The following YY1 variants were observed in gnomAD, a reference collection of about 807,000 sequenced individuals.
YY1 encodes transcriptional repressor protein YY1.
YY1 carries 2 observed loss-of-function variants against 35.6 expected under a neutral mutation model. The observed-to-expected ratio is 0.06, with a 90% CI of 0.02 to 0.18. YY1 has a LOEUF of 0.18. Among genes scored for constraint, YY1 ranks in the 10% least tolerant of loss-of-function variants. The pLI is 1.00. For missense variants in YY1, 322 were observed against 573.4 expected (o/e 0.56, Z 4.48); for synonymous variants, 268 against 238.9 (o/e 1.12, Z -1.12).
intron 1 of YY1, among the ~76,000 whole-genome samples, chr14:100,246,337 G>A (rs1049849382): frequency 2.1e-4 from 32 of 152,252 alleles, no homozygotes; most frequent in Non-Finnish European, 4.3e-4. Flanking sequence ...GGTTGTGGGG[G>A]ACATGTGCCT....
chr14:100,260,771 C>CCTTTT (rs1891073821), intron 1 of YY1, among the ~76,000 whole-genome samples: 1 of 42,540 alleles, frequency 2.4e-5, no homozygotes, highest in African/African-American at 9.2e-5. Flanking sequence ...GTGCCTGGTC[C>CCTTTT]TTTTTTTTTT....
intron 2 of YY1, among the ~76,000 whole-genome samples, chr14:100,272,396 A>G (rs1324321827): frequency 6.6e-6 from 1 of 152,122 alleles, no homozygotes; most frequent in African/African-American, 2.4e-5. Flanking sequence ...GAGATAAGTG[A>G]TAGTTACCAG....
chr14:100,240,054 GTGCGGCGGCGGGGGCGCGGC>G, intron 1 of YY1, 131 bp downstream of exon 1: 1 of 837,710 alleles, frequency 1.2e-6, no homozygotes, highest in Non-Finnish European at 1.6e-6. Flanking sequence ...ATGGCGGGCC[GTGCGGCGGCGGGGGCGCGGC>G]GGCGGCGGCG....
At chr14:100,247,108 A>C (rs571976345) in intron 1 of YY1, among the ~76,000 whole-genome samples, 1 of 152,326 alleles carries the variant, frequency 6.6e-6, no homozygotes, top group East Asian at 1.9e-4. Flanking sequence ...CTTTTGGAAG[A>C]GGGTAAATTT....
chr14:100,247,390 T>C (rs954885944), intron 1 of YY1, among the ~76,000 whole-genome samples: 5 of 151,616 alleles, frequency 3.3e-5, no homozygotes, highest in Non-Finnish European at 5.9e-5. Flanking sequence ...TTTCTTTTTT[T>C]TTTTTTTTCG....
In YY1 at chr14:100,281,215, C is replaced by T. The variant is rs2139615277; in HGVS notation, c.*3615C>T. 1 of 151,240 alleles carries T rather than the reference C, an allele frequency of 6.6e-6. No individual in the cohort carries two copies. Among genetic ancestry groups the T allele is most frequent in the Non-Finnish European group, 1.5e-5 (1 of 67,906 alleles). The allele number at this position is 151,240 out of a possible 1,614,324, so 9.4% of individuals were successfully genotyped here. On this transcript the variant is annotated 3_prime_UTR_variant, in exon 5 of 5. Transcript: ENST00000262238. ...GGCTTGGGAAATTCATGTTGTTGAT[C>T]TTTAATTATTTAATTATTCTTTAAT... is the stretch of plus-strand genomic sequence containing the variant.
At chr14:100,243,987 A>G (rs1315648163) in intron 1 of YY1, among the ~76,000 whole-genome samples, 2 of 151,878 alleles carry the variant, frequency 1.3e-5, no homozygotes, top group Admixed American at 6.6e-5. Context: ...GGGTGCCTGT[A>G]GTGCCAGCTA....
rs1891365142 is a variant in YY1, at chr14:100,278,781, ACCACCGCGCAGGCTGAGCGCCTGCG to A, written c.*1183_*1207del. The A allele has an allele frequency of 6.6e-6, 1 of 152,266 alleles. No homozygotes were observed. The highest frequency in any genetic ancestry group is 1.5e-5 in the Non-Finnish European group (1 of 68,062). 9.4% of individuals were successfully genotyped at this position (152,266 alleles called of 1,614,324 possible). ...CGGCAAGTGTGAGTGAAGCATCTGT[ACCACCGCGCAGGCTGAGCGCCTGCG>A]CAGGGTAAGGTGCCACCTGGCAGTG... On this transcript the variant is annotated 3_prime_UTR_variant, in exon 5 of 5. Transcript: ENST00000262238.
chr14:100,262,506 G>A, intron 2 of YY1, 40 bp downstream of exon 2: 1 of 1,605,584 alleles, frequency 6.2e-7, no homozygotes. Context: ...ATTATAGAAA[G>A]TGCTTGAGTC....
intron 1 of YY1, among the ~76,000 whole-genome samples, chr14:100,258,786 C>A (rs1467937513): frequency 6.6e-6 from 1 of 152,216 alleles, no homozygotes; most frequent in Non-Finnish European, 1.5e-5. Flanking sequence ...AATTATATTT[C>A]CTAGAATGAA....
At chr14:100,265,647 C>CTTTTTTTT (rs10594089) in intron 2 of YY1, among the ~76,000 whole-genome samples, 1 of 104,454 alleles carries the variant, frequency 9.6e-6, no homozygotes, top group Non-Finnish European at 1.8e-5. Context: ...AACACTGAAG[C>CTTTTTTTT]TTTTTTTTTT....
intron 1 of YY1, among the ~76,000 whole-genome samples, chr14:100,248,523 G>C (rs184424108): frequency 1.2e-4 from 19 of 152,056 alleles, no homozygotes; most frequent in South Asian, 6.2e-4. Flanking sequence ...ACGGGTTTTT[G>C]CTATGTTGTT....
intron 2 of YY1, chr14:100,265,193 C>T (rs2139592553): frequency 6.6e-6 from 1 of 152,186 alleles, no homozygotes; most frequent in East Asian, 1.9e-4. Context: ...GCCTGGCCAA[C>T]ATAGTGAAAC....
In YY1 at chr14:100,277,912, TA is replaced by T. The variant is rs1595335464; in HGVS notation, c.*317del. 1 of 313,502 alleles carries T rather than the reference TA, an allele frequency of 3.2e-6. No homozygotes were observed. The highest frequency in any genetic ancestry group is 7.2e-5 in the East Asian group (1 of 13,816). The allele number at this position is 313,502 out of a possible 1,614,324, so 19.4% of individuals were successfully genotyped here. On this transcript the variant is annotated 3_prime_UTR_variant, in exon 5 of 5. Transcript: ENST00000262238. This position sits in a 1 kb window ranked among gnomAD's most constrained non-coding sequence, Gnocchi z 5.6. ...AAGACAATTCTTTATACAACAGTGCTAAAAATGGGACTTCTTTTCACATTCT... is the reference window on the plus strand; with the variant it reads ...AAGACAATTCTTTATACAACAGTGCTAAAATGGGACTTCTTTTCACATTCT...
chr14:100,241,981 G>T (rs867217644), intron 1 of YY1, among the ~76,000 whole-genome samples: 2,119 of 130,010 alleles, frequency 0.016, 88 homozygotes, highest in African/African-American at 0.056. Flanking sequence ...TCTCAAAAGG[G>T]GGGGGGGGGC....
intron 2 of YY1, among the ~76,000 whole-genome samples, chr14:100,268,466 G>A (rs1183796929): frequency 6.6e-6 from 1 of 152,176 alleles, no homozygotes; most frequent in Non-Finnish European, 1.5e-5. Flanking sequence ...ACCTTTGTAT[G>A]TGTTTCACTA....
intron 1 of YY1, among the ~76,000 whole-genome samples, chr14:100,243,844 G>T (rs1004585800): frequency 2.0e-5 from 3 of 151,486 alleles, no homozygotes; most frequent in African/African-American, 7.3e-5. Flanking sequence ...GGTGGCTGAC[G>T]CCTGTAATCC....
At chr14:100,262,969 G>A (rs566636462) in intron 2 of YY1, among the ~76,000 whole-genome samples, 2 of 152,122 alleles carry the variant, frequency 1.3e-5, no homozygotes, top group Admixed American at 1.3e-4. Flanking sequence ...GTGCAGTGGT[G>A]CAATCTCAGC....
chr14:100,259,653 C>T (rs1393600564), intron 1 of YY1, among the ~76,000 whole-genome samples: 6 of 152,108 alleles, frequency 3.9e-5, no homozygotes, highest in Non-Finnish European at 7.4e-5. Context: ...CTCAAATTCT[C>T]TAGAATTTGA....
Sources: allele counts gnomAD v4.1 joint callset (sites outside exome capture counted in the v4.1 genomes callset), GRCh38; gene constraint gnomAD v4.1.1; non-coding constraint Gnocchi (gnomAD v3.1); transcripts MANE v1.5; gene names NCBI Gene and HGNC (gene_info 2026-07-23, HGNC 2026-07-21).